Variants in DRICH1 observed in about 807,000 individuals in gnomAD.
The protein encoded by DRICH1 is aspartate rich 1.
DRICH1 carries 38 observed loss-of-function variants against 39.5 expected under a neutral mutation model. That is an observed-to-expected ratio of 0.96 (90% CI 0.74 to 1.26). DRICH1 has a LOEUF of 1.26. Ranked by LOEUF, DRICH1 falls within the 50% of genes most tolerant of loss-of-function variation. DRICH1 has a pLI of 0.00. For missense variants in DRICH1, 279 were observed against 270.4 expected (o/e 1.03, Z -0.22); for synonymous variants, 84 against 99.5 (o/e 0.84, Z 0.93).
In DRICH1 at chr22:23,608,721, C is replaced by A; in HGVS notation, c.*43G>T. On this transcript the variant is annotated 3_prime_UTR_variant, in exon 12 of 12. Transcript: ENST00000317749. ...TGGGGACCCTGCAGCACGCGCTGGC[C>A]TGCCCTTTGGGTCAGCACCCTGGTC... 1 of 1,552,596 alleles carries A rather than the reference C, an allele frequency of 6.4e-7. No homozygotes were observed. The highest frequency in any genetic ancestry group is 8.7e-7 in the Non-Finnish European group (1 of 1,146,896).
intron 6 of DRICH1, 70 bp downstream of exon 6, chr22:23,619,294 C>A: frequency 2.6e-6 from 2 of 768,656 alleles, no homozygotes; most frequent in South Asian, 2.7e-5. Flanking sequence ...TGAAAGGCTT[C>A]CCATATTCAT....
chr22:23,609,696 G>A (rs1926932715), intron 11 of DRICH1, among the ~76,000 whole-genome samples: 1 of 151,998 alleles, frequency 6.6e-6, no homozygotes, highest in African/African-American at 2.4e-5. Flanking sequence ...CAAACTCACG[G>A]CCTCCTCACC....
At chr22:23,588,188 G>A in the DRICH1 span, among the ~76,000 whole-genome samples, 49 of 152,156 alleles carry the variant, frequency 3.2e-4, no homozygotes, top group African/African-American at 1.1e-3. Context: ...ATGCAGTGGT[G>A]CAATCTCAGC....
At chr22:23,624,200 C>A (rs1927927694) in intron 3 of DRICH1, 8 of 985,302 alleles carry the variant, frequency 8.1e-6, no homozygotes, top group Non-Finnish European at 9.6e-6. Flanking sequence ...ATCTGGCACA[C>A]CGCAGAAGAA....
At chr22:23,612,188 A>G (rs951538598) in intron 11 of DRICH1, among the ~76,000 whole-genome samples, 5 of 152,150 alleles carry the variant, frequency 3.3e-5, no homozygotes, top group African/African-American at 1.2e-4. Flanking sequence ...AACCCTGGCC[A>G]GGCATGGTGA....
chr22:23,607,810 T>G (rs5759930), downstream of DRICH1, among the ~76,000 whole-genome samples: 83,900 of 152,096 alleles, frequency 0.55, 24,800 homozygotes, highest in Middle Eastern at 0.72. Context: ...ATGTCCACTG[T>G]GACCACCATC....
At chr22:23,582,581 T>TA in the DRICH1 span, among the ~76,000 whole-genome samples, 4 of 150,674 alleles carry the variant, frequency 2.7e-5, no homozygotes, top group Admixed American at 6.6e-5. Context: ...TTATTATTAT[T>TA]TTGAGATGGA....
intron 8 of DRICH1, among the ~76,000 whole-genome samples, chr22:23,614,642 C>A (rs1014391457): frequency 1.3e-5 from 2 of 152,144 alleles, no homozygotes; most frequent in East Asian, 1.9e-4. Flanking sequence ...TATTTAAAAT[C>A]ATATTTTATT....
chr22:23,591,569 A>T, the DRICH1 span, among the ~76,000 whole-genome samples: 3 of 152,062 alleles, frequency 2.0e-5, no homozygotes, highest in Non-Finnish European at 4.4e-5. Flanking sequence ...AGCTTCCCTC[A>T]AAATTTCTGC....
intron 11 of DRICH1, among the ~76,000 whole-genome samples, chr22:23,611,751 C>T (rs916815724): frequency 1.3e-5 from 2 of 152,152 alleles, no homozygotes; most frequent in Non-Finnish European, 2.9e-5. Context: ...TGAAAATTTC[C>T]TTTTCCCCAG....
the DRICH1 span, among the ~76,000 whole-genome samples, chr22:23,595,805 G>A: frequency 2.0e-5 from 3 of 152,252 alleles, no homozygotes; most frequent in Admixed American, 6.5e-5. Flanking sequence ...CCACTCTCAG[G>A]AAACCCTAAG....
intron 11 of DRICH1, among the ~76,000 whole-genome samples, chr22:23,610,696 C>T (rs902057469): frequency 2.7e-4 from 41 of 152,188 alleles, no homozygotes; most frequent in African/African-American, 9.7e-4. Context: ...TCCATTTTTA[C>T]TTATTGCCTA....
At chr22:23,607,063 A>C (rs1429785900), downstream of DRICH1, 1 of 152,800 alleles carries the variant, frequency 6.5e-6, no homozygotes, top group Non-Finnish European at 1.5e-5. Flanking sequence ...GTCATCAGCA[A>C]GGGTCTGATC....
chr22:23,618,873 TATAAG>T (rs1927537665), intron 6 of DRICH1, among the ~76,000 whole-genome samples: 1 of 152,098 alleles, frequency 6.6e-6, no homozygotes, highest in African/African-American at 2.4e-5. Context: ...AAAATATTGG[TATAAG>T]ATATCACAAA....
At chr22:23,611,391 C>CTT (rs1927025483) in intron 11 of DRICH1, among the ~76,000 whole-genome samples, 3 of 136,758 alleles carry the variant, frequency 2.2e-5, no homozygotes, top group Admixed American at 1.5e-4. Context: ...TATTTTCATT[C>CTT]ATTTTTTTTT....
chr22:23,584,105 C>T, the DRICH1 span, among the ~76,000 whole-genome samples: 3 of 152,194 alleles, frequency 2.0e-5, no homozygotes, highest in East Asian at 5.8e-4. Flanking sequence ...CCCTGCGGGG[C>T]TGGGCTGGGC....
At chr22:23,623,745 TCTA>T in intron 3 of DRICH1, 4 of 163,702 alleles carry the variant, frequency 2.4e-5, no homozygotes, top group Non-Finnish European at 5.1e-5. Flanking sequence ...GAGATTGAAA[TCTA>T]CAAAAAACAG....
chr22:23,620,411 C>T (rs1305828596), intron 5 of DRICH1, among the ~76,000 whole-genome samples, 183 bp downstream of exon 5: 1 of 152,128 alleles, frequency 6.6e-6, no homozygotes, highest in African/African-American at 2.4e-5. Flanking sequence ...CACACAAAAT[C>T]TCCTGCTTGG....
chr22:23,614,262 T>A, intron 8 of DRICH1, 48 bp from the exon 9 acceptor site: 1 of 1,375,508 alleles, frequency 7.3e-7, no homozygotes, highest in Non-Finnish European at 1.0e-6. Context: ...TTGGTGACTC[T>A]GAGTCACTCG....
Sources: allele counts gnomAD v4.1 joint callset (sites outside exome capture counted in the v4.1 genomes callset), GRCh38; gene constraint gnomAD v4.1.1; transcripts MANE v1.5; gene names NCBI Gene and HGNC (gene_info 2026-07-23, HGNC 2026-07-21).